Variants in SMPD4 observed in about 807,000 individuals in gnomAD.
The protein encoded by SMPD4 is neutral sphingomyelinase 3.
A neutral mutation model predicts 97.8 loss-of-function variants in SMPD4; 58 were observed. The ratio of observed to expected loss-of-function variants is 0.59; its 90% CI spans 0.48 to 0.74. The LOEUF (loss-of-function observed/expected upper bound fraction) is 0.74. Ranked by LOEUF, SMPD4 falls within the 30% of genes least tolerant of loss-of-function variation. The pLI, the probability that SMPD4 is intolerant of heterozygous loss-of-function variation, is 0.00. For synonymous variants in SMPD4, 388 were observed against 450.0 expected, an observed-to-expected ratio of 0.86 and a Z score of 1.74; for missense variants, 853 against 1,080.5, an observed-to-expected ratio of 0.79 and a Z score of 2.95.
chr2:130,170,803 A>G (rs1178387088), intron 8 of SMPD4, among the ~76,000 whole-genome samples: 1 of 151,884 alleles, frequency 6.6e-6, no homozygotes, highest in Non-Finnish European at 1.5e-5. Flanking sequence ...TCACACCTGT[A>G]ATCCCAGCAC....
At chr2:130,172,918 T>C (rs1294441294) in intron 5 of SMPD4, 23 bp from the exon 6 acceptor site, 5 of 1,599,396 alleles carry the variant, frequency 3.1e-6, no homozygotes, top group Non-Finnish European at 4.3e-6. Flanking sequence ...GCAGTGAGGC[T>C]TGTGGGCAGG....
At chr2:130,156,196 A>AC (rs2104812249) in intron 13 of SMPD4, 61 bp from the exon 14 acceptor site, 2 of 1,467,108 alleles carry the variant, frequency 1.4e-6, no homozygotes, top group East Asian at 4.7e-5. Flanking sequence ...GGTGGCCTGG[A>AC]GCCCAGATAC....
chr2:130,176,415 G>A (rs1419962674), intron 2 of SMPD4, 139 bp downstream of exon 2: 5 of 620,288 alleles, frequency 8.1e-6, no homozygotes, highest in Non-Finnish European at 1.4e-5. Flanking sequence ...GTCAAGTTAA[G>A]GAGTCTGCCA....
At chr2:130,153,003 C>T in intron 19 of SMPD4, 40 bp downstream of exon 19, 2 of 1,591,372 alleles carry the variant, frequency 1.3e-6, no homozygotes, top group Non-Finnish European at 1.7e-6. Flanking sequence ...CATCTAGAAC[C>T]CTCTCTGAAG....
intron 3 of SMPD4, among the ~76,000 whole-genome samples, chr2:130,173,981 AC>A (rs1320018823): frequency 6.6e-6 from 1 of 151,666 alleles, no homozygotes; most frequent in Non-Finnish European, 1.5e-5. Flanking sequence ...TTAAAAAAAA[AC>A]AAACAATGAA....
intron 8 of SMPD4, among the ~76,000 whole-genome samples, chr2:130,170,417 C>A (rs1214787130): frequency 7.3e-6 from 1 of 137,798 alleles, no homozygotes; most frequent in East Asian, 2.2e-4. Context: ...GCAGAGACAG[C>A]GCCACTGCAC....
intron 11 of SMPD4, among the ~76,000 whole-genome samples, chr2:130,158,690 C>T (rs1052395486): frequency 6.6e-6 from 1 of 152,108 alleles, no homozygotes; most frequent in African/African-American, 2.4e-5. Flanking sequence ...ATTGGGAGGG[C>T]AGGTGGGCGC....
Position 130,173,649 on chromosome 2 carries a change from T to C in SMPD4, c.134A>G (p.His45Arg), listed in dbSNP as rs1251566444. The change falls in exon 4 of 20, where the codon CAC becomes CGC. Residue 45 changes from histidine to arginine, a missense_variant. This residue lies in a region of SMPD4 where 313 missense variants were observed against 402.2 expected (regional missense o/e 0.78). Coordinates refer to ENST00000680298, the MANE Select transcript of SMPD4 (RefSeq NM_017951.5). ...VIEDFPAKEL[H>R]TIFPWLVESI... The stretch of plus-strand genomic sequence containing the variant: ...TTCTACCAGCCATGGGAAGATGGTG[T>C]GCAGCTCCTGAAACAATGTGTGGTG... 3 of 1,613,804 alleles carry C rather than the reference T, an allele frequency of 1.9e-6. No individual in the cohort carries two copies. The highest frequency in any genetic ancestry group is 2.7e-5 in the African/African-American group (2 of 74,904).
chr2:130,176,802 G>A (rs544855641), intron 1 of SMPD4, among the ~76,000 whole-genome samples, 165 bp from the exon 2 acceptor site: 3 of 152,144 alleles, frequency 2.0e-5, no homozygotes, highest in South Asian at 2.1e-4. Context: ...ATCCTCCCAC[G>A]TCAGTCTCCT....
In SMPD4 at chr2:130,173,674, G is replaced by A. The variant is rs187453475; in HGVS notation, c.127-18C>T. On this transcript the variant is annotated intron_variant, in intron 3 of 19. Coordinates refer to ENST00000680298, the MANE Select transcript of SMPD4 (RefSeq NM_017951.5). ...TGCAGCTCCTGAAACAATGTGTGGT[G>A]AAGCCGCGTGCAGGACCAGCACCCA... 3 of 1,613,712 alleles carry A rather than the reference G, an allele frequency of 1.9e-6. No individual in the cohort carries two copies. The highest frequency in any genetic ancestry group is 2.2e-5 in the East Asian group (1 of 44,862).
Position 130,178,764 on chromosome 2 carries a change from T to C in SMPD4, c.-45-2127A>G, listed in dbSNP as rs181579163. 1.3e-3 allele frequency among the ~76,000 whole-genome samples: 200 copies of C among 148,416 alleles called. 1 individual carries two copies. Among genetic ancestry groups the C allele is most frequent in the African/African-American group, 5.0e-3 (199 of 40,178 alleles). On this transcript the variant is annotated intron_variant, in intron 1 of 19. Coordinates refer to ENST00000680298, the MANE Select transcript of SMPD4 (RefSeq NM_017951.5). Reference sequence around the variant, plus strand: ...GAGCCAAGATCACACCATTGCACTCTAGCCGGGGTGATAGAGGGAAACTCT... The same window carrying C: ...GAGCCAAGATCACACCATTGCACTCCAGCCGGGGTGATAGAGGGAAACTCT...
chr2:130,172,569 A>G lies in SMPD4; in HGVS notation c.507+56T>C. The G allele has an allele frequency of 3.1e-6, 5 of 1,613,716 alleles. No individual in the cohort carries two copies. In the South Asian group the frequency reaches 5.5e-5, roughly 18 times the overall value. On this transcript the variant is annotated intron_variant, in intron 7 of 19. Transcript: ENST00000680298. Reference sequence around the variant, plus strand: ...CAGGCCACCAAGCACCAACAAGTGCAGGGAAGCCCTGGGCCGTGGCCCCAC... The same window carrying G: ...CAGGCCACCAAGCACCAACAAGTGCGGGGAAGCCCTGGGCCGTGGCCCCAC...
At chr2:130,170,661 G>C (rs777231170) in intron 8 of SMPD4, among the ~76,000 whole-genome samples, 1 of 151,836 alleles carries the variant, frequency 6.6e-6, no homozygotes, top group East Asian at 1.9e-4. Context: ...CTACTTGGGA[G>C]GTTGAAGTGG....
intron 1 of SMPD4, among the ~76,000 whole-genome samples, chr2:130,177,696 A>C (rs1203582655): frequency 1.4e-5 from 2 of 147,412 alleles, no homozygotes; most frequent in Non-Finnish European, 3.0e-5. Context: ...CTCCATCTCA[A>C]AAAAAAAAAA....
chr2:130,175,306 T>G (rs1024267559), intron 2 of SMPD4, among the ~76,000 whole-genome samples: 14 of 151,954 alleles, frequency 9.2e-5, no homozygotes, highest in Admixed American at 7.9e-4. Flanking sequence ...GGTCCCAGAG[T>G]CAGCCCCACA....
chr2:130,181,597 G>T lies in SMPD4; in HGVS notation c.-113C>A, dbSNP rs772208116. On this transcript the variant is annotated 5_prime_UTR_variant, in exon 1 of 20. Coordinates refer to ENST00000680298, the MANE Select transcript of SMPD4 (RefSeq NM_017951.5). The stretch of plus-strand genomic sequence containing the variant: ...CCATTCCGCCACGGCGCCGAAAGTC[G>T]TCATCAAGCTGCGCGCAGAGCCACG... 4 of 1,601,878 alleles carry T rather than the reference G, an allele frequency of 2.5e-6. No individual in the cohort carries two copies. The highest frequency in any genetic ancestry group is 3.4e-6 in the Non-Finnish European group (4 of 1,175,154).
rs372073862 is a variant in SMPD4 at position 130,176,623 on chromosome 2, C to G, written c.-31G>C. On this transcript the variant is annotated 5_prime_UTR_variant, in exon 2 of 20. Coordinates refer to ENST00000680298, the MANE Select transcript of SMPD4 (RefSeq NM_017951.5). ...CCTCCAGTGGAGAGTTGAAAATGGC[C>G]TTCTTAGCAAACCACTGTGGAAAAA... The G allele has an allele frequency of 3.3e-5, 53 of 1,613,022 alleles. No individual in the cohort carries two copies. In the African/African-American group the frequency reaches 6.4e-4, roughly 19 times the overall value.
chr2:130,181,035 A>G (rs1483423618), intron 1 of SMPD4, among the ~76,000 whole-genome samples: 2 of 152,298 alleles, frequency 1.3e-5, no homozygotes, highest in East Asian at 3.9e-4. Context: ...GGCAACGCTA[A>G]TCATTCCAAG....
intron 9 of SMPD4, among the ~76,000 whole-genome samples, chr2:130,165,832 C>T (rs1238587272): frequency 7.2e-5 from 11 of 152,242 alleles, no homozygotes; most frequent in South Asian, 2.1e-4. Flanking sequence ...GGCCTCCCAA[C>T]GCACTAAGAT....
Sources: gnomAD v4.1 joint callset for allele counts (sites outside exome capture counted in the v4.1 genomes callset) on GRCh38, gnomAD v4.1.1 for gene constraint, gnomAD v4.1.1 regional missense constraint, MANE v1.5 for transcripts, NCBI Gene and HGNC (gene_info 2026-07-23, HGNC 2026-07-21) for gene names.